Variants in UNC79 observed in about 807,000 individuals in gnomAD.
The protein encoded by UNC79 is protein unc-79 homolog.
Under a neutral mutation model 283.1 loss-of-function variants are expected in UNC79, and 37 were observed. The observed-to-expected ratio is 0.13, with a 90% CI of 0.10 to 0.17. UNC79 has a LOEUF of 0.17. Among genes scored for constraint, UNC79 ranks in the 10% least tolerant of loss-of-function variants. The pLI, the probability that UNC79 is intolerant of heterozygous loss-of-function variation, is 1.00. For synonymous variants in UNC79, 1,107 were observed against 1,200.2 expected (o/e 0.92, Z 1.61); for missense variants, 2,272 against 3,211.1 (o/e 0.71, Z 7.07).
At chr14:93,333,632 C>A in intron 1 of UNC79, 1 of 389,576 alleles carries the variant, frequency 2.6e-6, no homozygotes, top group Non-Finnish European at 4.5e-6. Flanking sequence ...CAAGATACCC[C>A]TGTAAACAAA....
In UNC79 at chr14:93,356,806, A is replaced by G. The variant is rs2054094558; in HGVS notation, c.-351+23283A>G. Among the ~76,000 whole-genome samples the G allele has an allele frequency of 2.0e-5, 3 of 152,208 alleles. No homozygotes were observed. In the South Asian group the frequency reaches 6.2e-4, roughly 31 times the overall value. ...AAAGCAAATGAATAGCTCTCTTTAT[A>G]TAAGGTGAATGGAGAATTTGAAATA... is the stretch of plus-strand genomic sequence containing the variant. On this transcript the variant is annotated intron_variant, in intron 1 of 49. Transcript: ENST00000256339.
chr14:93,415,536 A>C (rs997461301), intron 1 of UNC79, among the ~76,000 whole-genome samples: 1 of 151,974 alleles, frequency 6.6e-6, no homozygotes, highest in Non-Finnish European at 1.5e-5. Flanking sequence ...TGGCCTCATA[A>C]AATGAGTTAG....
chr14:93,593,904 T>G lies in UNC79; in HGVS notation c.3190+67T>G, dbSNP rs2064870441. On this transcript the variant is annotated intron_variant, in intron 23 of 48. Coordinates refer to ENST00000555664, the Ensembl canonical transcript of UNC79. ...TACACGGGTGTCTGGTCACGGCATC[T>G]TTTTTGGCACCTCCTTTCTTGTCCC... The G allele has an allele frequency of 3.4e-5, 49 of 1,441,168 alleles. No individual in the cohort carries two copies. In the South Asian group the frequency reaches 7.5e-4, roughly 22 times the overall value. The allele number at this position is 1,441,168 out of a possible 1,614,324, so 89.3% of individuals were successfully genotyped here. A position where few individuals can be genotyped will look rare whatever the true frequency, so the allele number is the denominator to read the frequency against.
chr14:93,382,023 T>G (rs1474886429), intron 1 of UNC79, among the ~76,000 whole-genome samples: 2 of 152,182 alleles, frequency 1.3e-5, no homozygotes, highest in Admixed American at 6.5e-5. Context: ...AAGGAGAAAC[T>G]TTAAATGAAG....
At chr14:93,562,129 T>G (rs2062596516) in intron 14 of UNC79, among the ~76,000 whole-genome samples, 1 of 152,184 alleles carries the variant, frequency 6.6e-6, no homozygotes, top group Non-Finnish European at 1.5e-5. Context: ...GGCTGTCCAA[T>G]GGACACAGCT....
rs151274383 is a variant in UNC79, at chr14:93,652,959, A to C, written c.6084-783A>C. On this transcript the variant is annotated intron_variant, in intron 35 of 48. Coordinates refer to ENST00000555664, the Ensembl canonical transcript of UNC79. ...GTAAGTTCGGCGTTATTTTTTCCTG[A>C]AGAATATTTTTGACCTAAAACTTTG... is the stretch of plus-strand genomic sequence containing the variant. Among the ~76,000 whole-genome samples the C allele has an allele frequency of 5.6e-3, 849 of 152,224 alleles. 5 individuals are homozygous for C. The highest frequency in any genetic ancestry group is 0.03 in the South Asian group (142 of 4,810).
At chr14:93,428,172 G>C (rs546665406), upstream of UNC79, among the ~76,000 whole-genome samples, 3 of 152,276 alleles carry the variant, frequency 2.0e-5, no homozygotes, top group East Asian at 5.8e-4. Flanking sequence ...AGGGTAGTGA[G>C]GAAATGGAGA....
intron 22 of UNC79, among the ~76,000 whole-genome samples, chr14:93,591,829 T>G (rs1486809556): frequency 6.6e-6 from 1 of 152,190 alleles, no homozygotes; most frequent in African/African-American, 2.4e-5. Context: ...AGGGATCACT[T>G]TTTACTGTGA....
intron 20 of UNC79, among the ~76,000 whole-genome samples, chr14:93,583,835 C>T (rs1224042399): frequency 6.8e-6 from 1 of 146,522 alleles, no homozygotes; most frequent in Non-Finnish European, 1.5e-5. Flanking sequence ...GATAAGGGTC[C>T]TGCTCTGTCA....
chr14:93,689,184 A>G (rs1485345509), intron 44 of UNC79: 2 of 252,556 alleles, frequency 7.9e-6, no homozygotes, highest in African/African-American at 4.4e-5. Context: ...AGCAGCTTAG[A>G]TTGTAGCTGG....
At chr14:93,554,129 C>T (rs1011065891) in intron 14 of UNC79, among the ~76,000 whole-genome samples, 7 of 152,228 alleles carry the variant, frequency 4.6e-5, no homozygotes, top group African/African-American at 9.6e-5. Context: ...GTGGGCAGAT[C>T]ACGAGGTCAG....
chr14:93,702,790 C>G (rs2075624179), intron 47 of UNC79, among the ~76,000 whole-genome samples: 1 of 152,214 alleles, frequency 6.6e-6, no homozygotes, highest in Non-Finnish European at 1.5e-5. Flanking sequence ...CTCAGATCCT[C>G]AAGATTTGTC....
chr14:93,578,080 C>T lies in UNC79; in HGVS notation c.2433+17C>T, dbSNP rs1566690699. ...CTGAAGCAGGTAGCTGAAGCATGAG[C>T]TTCCTTTAGTTCAGAGGTGAAGAAT... On this transcript the variant is annotated intron_variant, in intron 18 of 48. Transcript: ENST00000555664. 1 of 1,610,644 alleles carries T rather than the reference C, an allele frequency of 6.2e-7. No homozygotes were observed. Among genetic ancestry groups the T allele is most frequent in the South Asian group, 1.1e-5 (1 of 90,876 alleles).
chr14:93,374,424 C>A (rs1465975773), intron 1 of UNC79, among the ~76,000 whole-genome samples: 1 of 152,214 alleles, frequency 6.6e-6, no homozygotes, highest in Non-Finnish European at 1.5e-5. Context: ...GTTTACCCTG[C>A]TGGGTTTCCG....
At chr14:93,534,223 T>C (rs1299651601) in intron 11 of UNC79, among the ~76,000 whole-genome samples, 1 of 152,208 alleles carries the variant, frequency 6.6e-6, no homozygotes, top group Non-Finnish European at 1.5e-5. Flanking sequence ...TTCCTAGAAA[T>C]AGTTCCCTAA....
At chr14:93,610,085 A>G (rs2066188054) in intron 26 of UNC79, among the ~76,000 whole-genome samples, 1 of 152,200 alleles carries the variant, frequency 6.6e-6, no homozygotes, top group Admixed American at 6.5e-5. Flanking sequence ...GTGATGGGAA[A>G]ACTCAGGGTT....
intron 1 of UNC79, among the ~76,000 whole-genome samples, chr14:93,448,126 C>A (rs538230351): frequency 1.3e-5 from 2 of 151,124 alleles, no homozygotes; most frequent in Admixed American, 6.6e-5. Flanking sequence ...CACATATGTA[C>A]CTCTTACTGT....
intron 26 of UNC79, among the ~76,000 whole-genome samples, chr14:93,608,850 T>C (rs1031133066): frequency 2.0e-5 from 3 of 152,238 alleles, no homozygotes; most frequent in Non-Finnish European, 4.4e-5. Flanking sequence ...TAGTGCACTT[T>C]GACAGACATT....
chr14:93,542,004 C>CAAAAAAA (rs745650977), intron 13 of UNC79, among the ~76,000 whole-genome samples: 3 of 59,888 alleles, frequency 5.0e-5, no homozygotes, highest in Admixed American at 2.1e-4. Flanking sequence ...GACTCCATCT[C>CAAAAAAA]AAAAAAAAAA....
Sources: gnomAD v4.1 joint callset for allele counts (sites outside exome capture counted in the v4.1 genomes callset) on GRCh38, gnomAD v4.1.1 for gene constraint, MANE v1.5 for transcripts, NCBI Gene and HGNC (gene_info 2026-07-23, HGNC 2026-07-21) for gene names.